The following HOPX variants were observed in gnomAD, a reference collection of about 807,000 sequenced individuals.
HOPX encodes the protein HOP homeobox, also known as homeodomain-only protein.
HOPX carries 5 observed loss-of-function variants against 11.8 expected under a neutral mutation model. The ratio of observed to expected loss-of-function variants is 0.43; its 90% CI spans 0.22 to 0.89. HOPX has a LOEUF of 0.89. HOPX is among the 40% of genes least tolerant of loss of function. The pLI, the probability that HOPX is intolerant of heterozygous loss-of-function variation, is 0.28. For missense variants in HOPX, 119 were observed against 120.0 expected (o/e 0.99, Z 0.04); for synonymous variants, 49 against 49.7 (o/e 0.99, Z 0.06).
chr4:56,674,682 A>G (rs1718908132), intron 1 of HOPX, among the ~76,000 whole-genome samples: 1 of 151,652 alleles, frequency 6.6e-6, no homozygotes, highest in African/African-American at 2.4e-5. Flanking sequence ...TTTTATCAAA[A>G]CTACCAGAAG....
chr4:56,656,290 G>A (rs1359400085), intron 2 of HOPX: 166 of 1,140,742 alleles, frequency 1.5e-4, no homozygotes, highest in Non-Finnish European at 1.7e-4. Flanking sequence ...TGCAGGAACT[G>A]TATCCCTGCC....
At chr4:56,664,409 T>A (rs1230565815) in intron 1 of HOPX, 2 of 152,074 alleles carry the variant, frequency 1.3e-5, no homozygotes, top group Non-Finnish European at 2.9e-5. Context: ...CTGCTGGGAT[T>A]ACAGGCGTGA....
chr4:56,660,182 T>C (rs1333086989), intron 1 of HOPX, among the ~76,000 whole-genome samples: 1 of 152,214 alleles, frequency 6.6e-6, no homozygotes, highest in Non-Finnish European at 1.5e-5. Context: ...TTGGCAGTCT[T>C]AAGTATTACT....
intron 1 of HOPX, among the ~76,000 whole-genome samples, chr4:56,678,438 ATTTTTTTTTTTT>A (rs57921708): frequency 1.0e-5 from 1 of 100,258 alleles, no homozygotes; most frequent in Non-Finnish European, 1.9e-5. Context: ...CTAGTCACTG[ATTTTTTTTTTTT>A]TTTTTTTTTT....
intron 3 of HOPX, chr4:56,650,763 G>C: frequency 6.4e-7 from 1 of 1,550,960 alleles, no homozygotes; most frequent in Non-Finnish European, 8.7e-7. Context: ...TTCTCTTTGG[G>C]GGCTACTTTC....
chr4:56,656,304 G>C, intron 2 of HOPX: 1 of 1,115,662 alleles, frequency 9.0e-7, no homozygotes, highest in Non-Finnish European at 1.1e-6. Flanking sequence ...CCCTGCCTGC[G>C]ACGGGGGCGA....
chr4:56,668,992 G>C (rs1469281642), intron 1 of HOPX, among the ~76,000 whole-genome samples: 1 of 152,172 alleles, frequency 6.6e-6, no homozygotes, highest in Non-Finnish European at 1.5e-5. Context: ...TTATGCTCAT[G>C]AAACAACCTT....
rs569248621 is a variant in HOPX, at chr4:56,648,177, C to T, written c.*543G>A. On this transcript the variant is annotated 3_prime_UTR_variant, in exon 4 of 4. Coordinates refer to ENST00000420433, the MANE Select transcript of HOPX (RefSeq NM_032495.6). ...TTGGAGTTTCTGTCTTCTGGCCCAA[C>T]AGGCTTCTTTCCAAGTTAATGCAGC... 1 of 152,122 alleles carries T rather than the reference C, an allele frequency of 6.6e-6. No homozygotes were observed. Among genetic ancestry groups the T allele is most frequent in the Non-Finnish European group, 1.5e-5 (1 of 68,042 alleles). 9.4% of individuals were successfully genotyped at this position (152,122 alleles called of 1,614,324 possible). A position where few individuals can be genotyped will look rare whatever the true frequency, so the allele number is the denominator to read the frequency against.
At chr4:56,656,240 A>C in intron 2 of HOPX, 2 of 1,158,078 alleles carry the variant, frequency 1.7e-6, no homozygotes, top group Non-Finnish European at 2.2e-6. Context: ...CTGACGGCAG[A>C]GCCTAGCGTC....
chr4:56,669,296 C>T (rs1433571979), intron 1 of HOPX, among the ~76,000 whole-genome samples: 1 of 152,182 alleles, frequency 6.6e-6, no homozygotes, highest in East Asian at 1.9e-4. Context: ...ACCCATGAAA[C>T]ACTAGGAACC....
upstream of HOPX, chr4:56,681,498 G>T: frequency 1.0e-6 from 1 of 997,694 alleles, no homozygotes. Flanking sequence ...TGGGACTTCT[G>T]AGAGTCTCAT....
chr4:56,668,525 G>T (rs1350700887), intron 1 of HOPX, among the ~76,000 whole-genome samples: 3 of 152,206 alleles, frequency 2.0e-5, no homozygotes, highest in African/African-American at 7.2e-5. Context: ...GGAAGATAGA[G>T]AAGCAGAAAT....
chr4:56,656,235 G>T lies in HOPX; in HGVS notation c.43-223C>A, dbSNP rs528405457. On this transcript the variant is annotated intron_variant, in intron 2 of 3. Coordinates refer to ENST00000420433, the MANE Select transcript of HOPX (RefSeq NM_032495.6). ...GGACTGAGCGCTGTTGCGGGCTGACGGCAGAGCCTAGCGTCCTGCGCCTCC... is the reference window on the plus strand; with the variant it reads ...GGACTGAGCGCTGTTGCGGGCTGACTGCAGAGCCTAGCGTCCTGCGCCTCC... 3.5e-5 allele frequency: 40 copies of T among 1,157,562 alleles called. No individual in the cohort carries two copies. The East Asian group carries it at 1.4e-3, about 42-fold the overall frequency. The allele number at this position is 1,157,562 out of a possible 1,614,324, so 71.7% of individuals were successfully genotyped here.
At chr4:56,654,278 A>G (rs4460065) in intron 3 of HOPX, among the ~76,000 whole-genome samples, 18,257 of 152,284 alleles carry the variant, frequency 0.12, 1,449 homozygotes, top group East Asian at 0.27. Flanking sequence ...CCTGGCAAGT[A>G]TTAGCCATTA....
At chr4:56,666,778 T>TAACTCTTTTCTAAAAG (rs1329135828) in intron 1 of HOPX, among the ~76,000 whole-genome samples, 1 of 152,240 alleles carries the variant, frequency 6.6e-6, no homozygotes, top group Non-Finnish European at 1.5e-5. Context: ...TCTAAAGGTC[T>TAACTCTTTTCTAAAAG]AGTCTAACTC....
intron 1 of HOPX, among the ~76,000 whole-genome samples, chr4:56,661,381 T>C (rs1718116881): frequency 6.6e-6 from 1 of 152,228 alleles, no homozygotes; most frequent in African/African-American, 2.4e-5. Context: ...TGTTTCCAGA[T>C]TTTTTTCTGT....
intron 1 of HOPX, among the ~76,000 whole-genome samples, chr4:56,669,823 T>G (rs76965217): frequency 3.9e-5 from 6 of 152,142 alleles, no homozygotes; most frequent in Non-Finnish European, 7.3e-5. Flanking sequence ...AATGCCCCGG[T>G]TGCACCTAGG....
At chr4:56,680,413 C>A in intron 1 of HOPX, 1 of 152,382 alleles carries the variant, frequency 6.6e-6, no homozygotes. Flanking sequence ...TCCCACCTCC[C>A]CAGCACCTTC....
chr4:56,670,201 T>TCC (rs748333920), intron 1 of HOPX, among the ~76,000 whole-genome samples: 1 of 152,180 alleles, frequency 6.6e-6, no homozygotes, highest in Non-Finnish European at 1.5e-5. Context: ...AAACGGCTTG[T>TCC]CCTAGAGATT....
Sources: allele counts gnomAD v4.1 joint callset (sites outside exome capture counted in the v4.1 genomes callset), GRCh38; gene constraint gnomAD v4.1.1; transcripts MANE v1.5; gene names NCBI Gene and HGNC (gene_info 2026-07-23, HGNC 2026-07-21).